The following WDPCP variants were observed in gnomAD, a reference collection of about 807,000 sequenced individuals.
The protein encoded by WDPCP is WD repeat-containing and planar cell polarity effector protein fritz homolog.
A neutral mutation model predicts 93.1 loss-of-function variants in WDPCP; 71 were observed. The ratio of observed to expected loss-of-function variants is 0.76; its 90% CI spans 0.63 to 0.93. The LOEUF (loss-of-function observed/expected upper bound fraction) is 0.93, where lower values mean the gene tolerates loss of function less well. WDPCP is among the 40% of genes least tolerant of loss of function. The pLI is 0.00. For missense variants in WDPCP, 844 were observed against 887.4 expected, an observed-to-expected ratio of 0.95 and a Z score of 0.62; for synonymous variants, 315 against 315.0, an observed-to-expected ratio of 1.00 and a Z score of 0.00.
At chr2:63,636,747 A>G (rs184763188) in intron 3 of WDPCP, among the ~76,000 whole-genome samples, 4 of 152,332 alleles carry the variant, frequency 2.6e-5, no homozygotes, top group Admixed American at 6.5e-5. Flanking sequence ...TGAACAGAAT[A>G]CAGAGCCCAG....
intron 10 of WDPCP, among the ~76,000 whole-genome samples, chr2:63,387,451 G>T (rs148726373): frequency 6.6e-6 from 1 of 151,298 alleles, no homozygotes; most frequent in East Asian, 1.9e-4. Context: ...TTAAAAAAAA[G>T]AAAAAAAACC....
intron 2 of WDPCP, among the ~76,000 whole-genome samples, chr2:63,681,941 T>C (rs1668704030): frequency 6.6e-6 from 1 of 152,234 alleles, no homozygotes; most frequent in South Asian, 2.1e-4. Flanking sequence ...ACCACAAAGC[T>C]GATATTTCCA....
intron 1 of WDPCP, among the ~76,000 whole-genome samples, chr2:63,524,430 G>A (rs1046208863): frequency 5.3e-5 from 8 of 152,102 alleles, no homozygotes; most frequent in Non-Finnish European, 1.2e-4. Flanking sequence ...ACACAACAGA[G>A]AACCCAGAAA....
rs769057996 is a variant in WDPCP, at chr2:63,439,870, A to G, written c.386T>C (p.Leu129Pro). The change falls in exon 7 of 18, where the codon CTC becomes CCC. Residue 129 changes from leucine (L) to proline (P), a missense_variant and splice_region_variant. Coordinates refer to ENST00000272321, the MANE Select transcript of WDPCP (RefSeq NM_015910.7). Reference protein sequence around the residue: ...SKWKNKYVCQLLFGSGVLVSL... With the variant: ...SKWKNKYVCQPLFGSGVLVSL... ...CACCAGCACACCTGAACCAAAAAGGAGCTAAAACCAGGTAAGTGGGGGAGA... is the reference window on the plus strand; with the variant it reads ...CACCAGCACACCTGAACCAAAAAGGGGCTAAAACCAGGTAAGTGGGGGAGA... 1 of 1,612,500 alleles carries G rather than the reference A, an allele frequency of 6.2e-7. No individual in the cohort carries two copies. The highest frequency in any genetic ancestry group is 1.1e-5 in the South Asian group (1 of 91,048).
At chr2:63,345,937 G>A (rs781160381) in intron 12 of WDPCP, among the ~76,000 whole-genome samples, 3 of 152,182 alleles carry the variant, frequency 2.0e-5, no homozygotes, top group Admixed American at 6.5e-5. Flanking sequence ...GGGACATGAT[G>A]AACCTGATAA....
At chr2:63,536,281 C>A (rs1032784793) in intron 1 of WDPCP, among the ~76,000 whole-genome samples, 1 of 152,210 alleles carries the variant, frequency 6.6e-6, no homozygotes, top group Non-Finnish European at 1.5e-5. Context: ...ACTAGTTCAA[C>A]CACTGTGGAA....
At chr2:63,252,979 G>A (rs968380755) in intron 14 of WDPCP, among the ~76,000 whole-genome samples, 5 of 152,034 alleles carry the variant, frequency 3.3e-5, no homozygotes, top group African/African-American at 1.2e-4. Context: ...ATGAAGAACA[G>A]AGCTGGAGGG....
At chr2:63,535,009 A>G (rs1704168728) in intron 1 of WDPCP, among the ~76,000 whole-genome samples, 1 of 152,246 alleles carries the variant, frequency 6.6e-6, no homozygotes. Context: ...CAACTTCAAC[A>G]AAGTCTCAGG....
intron 13 of WDPCP, among the ~76,000 whole-genome samples, chr2:63,293,906 G>A (rs1211065154): frequency 2.0e-5 from 3 of 152,090 alleles, no homozygotes; most frequent in Non-Finnish European, 4.4e-5. Flanking sequence ...CAGCATGGGA[G>A]CTCCAGAAGG....
intron 14 of WDPCP, 40 bp from the exon 15 acceptor site, chr2:63,174,872 C>A (rs185551600): frequency 6.3e-7 from 1 of 1,597,294 alleles, no homozygotes; most frequent in East Asian, 2.2e-5. Context: ...ATACTAAGTA[C>A]AATTTCTGCT....
rs70965124 is a variant in WDPCP at position 63,373,254 on chromosome 2, G to GTTTT, written c.1748+5128_1748+5131dup. On this transcript the variant is annotated intron_variant, in intron 12 of 17. Coordinates refer to ENST00000272321, the MANE Select transcript of WDPCP (RefSeq NM_015910.7). Reference sequence around the variant, plus strand: ...TTTTCTTTGTTTTCATTTTTTTGTTGTTTTTTTTTTTCTTTTAAATGACAT... The same window carrying GTTTT: ...TTTTCTTTGTTTTCATTTTTTTGTTGTTTTTTTTTTTTTTTCTTTTAAATGACAT... 4.0e-3 allele frequency among the ~76,000 whole-genome samples: 579 copies of GTTTT among 143,460 alleles called. 6 individuals are homozygous for GTTTT. Among genetic ancestry groups the GTTTT allele is most frequent in the East Asian group, 0.023 (112 of 4,964 alleles). The allele number at this position is 143,460 out of a possible 152,430, so 94.1% of individuals were successfully genotyped here. A position where few individuals can be genotyped will look rare whatever the true frequency, so the allele number is the denominator to read the frequency against.
At chr2:63,735,643 C>T (rs975506738) in intron 2 of WDPCP, among the ~76,000 whole-genome samples, 6 of 151,930 alleles carry the variant, frequency 3.9e-5, no homozygotes, top group South Asian at 4.2e-4. Context: ...TAAAAAGGGT[C>T]GGAGGAAGGG....
chr2:63,543,140 T>C (rs999956932), intron 1 of WDPCP, among the ~76,000 whole-genome samples: 2 of 152,182 alleles, frequency 1.3e-5, no homozygotes, highest in Non-Finnish European at 2.9e-5. Flanking sequence ...AAATAAGTTT[T>C]AAAAGAAAAT....
At chr2:63,174,608 G>A (rs538569695) in intron 15 of WDPCP, 62 bp downstream of exon 15, 36 of 1,595,078 alleles carry the variant, frequency 2.3e-5, no homozygotes, top group Admixed American at 3.3e-5. Context: ...CTATTAGTTC[G>A]CATTTGAACA....
intron 12 of WDPCP, among the ~76,000 whole-genome samples, chr2:63,342,030 G>A (rs968364815): frequency 6.6e-6 from 1 of 152,218 alleles, no homozygotes; most frequent in East Asian, 1.9e-4. Flanking sequence ...GGGTGGGGAG[G>A]GGGTGATAGT....
chr2:63,720,259 C>CA (rs879716294), intron 2 of WDPCP, among the ~76,000 whole-genome samples: 2 of 151,570 alleles, frequency 1.3e-5, no homozygotes, highest in African/African-American at 4.8e-5. Context: ...CTATAAGATA[C>CA]AAAAAAATTT....
intron 13 of WDPCP, among the ~76,000 whole-genome samples, chr2:63,295,148 T>C (rs542441357): frequency 2.4e-4 from 36 of 151,914 alleles, no homozygotes; most frequent in African/African-American, 7.2e-4. Flanking sequence ...AAAATAGCTA[T>C]AGAATATACA....
intron 13 of WDPCP, among the ~76,000 whole-genome samples, chr2:63,308,861 G>A (rs942836479): frequency 2.6e-5 from 4 of 152,048 alleles, no homozygotes; most frequent in African/African-American, 4.8e-5. Flanking sequence ...TGCATGTTCC[G>A]CACATGTGTC....
intron 12 of WDPCP, among the ~76,000 whole-genome samples, chr2:63,369,894 C>A (rs983100364): frequency 6.6e-6 from 1 of 152,114 alleles, no homozygotes; most frequent in African/African-American, 2.4e-5. Flanking sequence ...AATATAAGGA[C>A]TTCTTTTACT....
Sources: allele counts gnomAD v4.1 joint callset (sites outside exome capture counted in the v4.1 genomes callset), GRCh38; gene constraint gnomAD v4.1.1; transcripts MANE v1.5; gene names NCBI Gene and HGNC (gene_info 2026-07-23, HGNC 2026-07-21).